The following EPHA6 variants were observed in gnomAD, a reference collection of about 807,000 sequenced individuals.
EPHA6 encodes EPH receptor A6.
Under a neutral mutation model 112.0 loss-of-function variants are expected in EPHA6, and 50 were observed. That is an observed-to-expected ratio of 0.45 (90% CI 0.36 to 0.56). The LOEUF (loss-of-function observed/expected upper bound fraction) is 0.56. Among genes scored for constraint, EPHA6 ranks in the 20% least tolerant of loss-of-function variants. The pLI is 0.00. For synonymous variants in EPHA6, 529 were observed against 490.7 expected (o/e 1.08, Z -1.03); for missense variants, 1,280 against 1,417.4 (o/e 0.90, Z 1.56).
intron 3 of EPHA6, among the ~76,000 whole-genome samples, chr3:97,212,158 A>G (rs2077894450): frequency 6.6e-6 from 1 of 152,190 alleles, no homozygotes; most frequent in South Asian, 2.1e-4. Context: ...TGAAACAAGA[A>G]TAAGAATCTC....
rs535035270 is a variant in EPHA6 at position 97,146,968 on chromosome 3, C to T, written c.1115-79296C>T. ...AAATGCAAATCTTATTTGTCATGCTCTTCCTTGAAATCAGTAGGGAAAATA... is the reference window on the plus strand; with the variant it reads ...AAATGCAAATCTTATTTGTCATGCTTTTCCTTGAAATCAGTAGGGAAAATA... On this transcript the variant is annotated intron_variant, in intron 3 of 17. Transcript: ENST00000389672. Among the ~76,000 whole-genome samples, 91 of 152,118 alleles carry T rather than the reference C, an allele frequency of 6.0e-4. 3 individuals carry two copies. In the South Asian group the frequency reaches 0.016, roughly 26 times the overall value.
intron 3 of EPHA6, among the ~76,000 whole-genome samples, chr3:97,086,251 CAA>C (rs2046896755): frequency 6.6e-6 from 1 of 151,976 alleles, no homozygotes. Context: ...TAACAGCTGT[CAA>C]AGTCTTGAGC....
intron 13 of EPHA6, among the ~76,000 whole-genome samples, chr3:97,624,155 T>C (rs1213593885): frequency 2.0e-5 from 3 of 151,786 alleles, no homozygotes; most frequent in African/African-American, 7.2e-5. Context: ...TCGAGTATGA[T>C]GTTCACTGTG....
At chr3:97,697,007 A>G (rs2033087553) in intron 14 of EPHA6, among the ~76,000 whole-genome samples, 3 of 152,214 alleles carry the variant, frequency 2.0e-5, no homozygotes, top group African/African-American at 4.8e-5. Flanking sequence ...AACAGGTATT[A>G]ATCAGTCAGT....
In EPHA6 at chr3:97,704,163, T is replaced by A. The variant is rs145303172; in HGVS notation, c.2785-16098T>A. Among the ~76,000 whole-genome samples, 5 of 152,326 alleles carry A rather than the reference T, an allele frequency of 3.3e-5. No homozygotes were observed. The East Asian group carries it at 9.6e-4, about 29-fold the overall frequency. On this transcript the variant is annotated intron_variant, in intron 14 of 17. Coordinates refer to ENST00000389672, the MANE Select transcript of EPHA6 (RefSeq NM_001080448.3). Reference sequence around the variant, plus strand: ...GCAAGTCCTTAGAGGATGTGATGATTAATTTTATGTGTAAACTTGACTGGC... The same window carrying A: ...GCAAGTCCTTAGAGGATGTGATGATAAATTTTATGTGTAAACTTGACTGGC...
chr3:97,045,868 A>G (rs1393922776), intron 3 of EPHA6, among the ~76,000 whole-genome samples: 1 of 151,944 alleles, frequency 6.6e-6, no homozygotes, highest in African/African-American at 2.4e-5. Flanking sequence ...ATTCTTTTTT[A>G]TTTATTTCAT....
At chr3:97,594,745 C>A (rs1369097990) in intron 12 of EPHA6, among the ~76,000 whole-genome samples, 1 of 152,130 alleles carries the variant, frequency 6.6e-6, no homozygotes, top group South Asian at 2.1e-4. Context: ...TCTTTGCCAT[C>A]TAATAGCTGA....
At chr3:97,437,945 G>A (rs554584318) in intron 6 of EPHA6, among the ~76,000 whole-genome samples, 26 of 151,654 alleles carry the variant, frequency 1.7e-4, no homozygotes, top group African/African-American at 4.8e-4. Flanking sequence ...TTTTCTATCC[G>A]TATATTGTTA....
At chr3:97,492,295 C>A (rs987182043) in intron 10 of EPHA6, among the ~76,000 whole-genome samples, 7 of 151,738 alleles carry the variant, frequency 4.6e-5, no homozygotes, top group Non-Finnish European at 7.4e-5. Flanking sequence ...GTAATCCCAG[C>A]ACTTTGGGAG....
chr3:97,341,166 G>GA (rs889966488), intron 5 of EPHA6, among the ~76,000 whole-genome samples: 2 of 152,160 alleles, frequency 1.3e-5, no homozygotes, highest in African/African-American at 2.4e-5. Context: ...CAAGGAAGGA[G>GA]AAAATGCTTG....
chr3:97,507,876 G>T (rs2092286975), intron 10 of EPHA6, among the ~76,000 whole-genome samples: 1 of 151,970 alleles, frequency 6.6e-6, no homozygotes, highest in Non-Finnish European at 1.5e-5. Context: ...ACTTCTTCCT[G>T]GTTTAGCCTT....
intron 1 of EPHA6, among the ~76,000 whole-genome samples, chr3:96,825,105 T>A (rs1042291247): frequency 9.2e-5 from 14 of 151,926 alleles, no homozygotes; most frequent in African/African-American, 2.7e-4. Context: ...ATTAGAGAAT[T>A]AAGATGAATG....
At chr3:96,824,700 G>C (rs1217333373) in intron 1 of EPHA6, among the ~76,000 whole-genome samples, 2 of 151,992 alleles carry the variant, frequency 1.3e-5, no homozygotes, top group Non-Finnish European at 2.9e-5. Context: ...GTATTCAGCT[G>C]TACAGTTGGT....
chr3:96,914,545 C>T (rs1035952537), intron 2 of EPHA6, among the ~76,000 whole-genome samples: 4 of 152,082 alleles, frequency 2.6e-5, no homozygotes, highest in South Asian at 2.1e-4. Flanking sequence ...TTAATAGAGA[C>T]GAAGCGTTCC....
Position 96,942,662 on chromosome 3 carries a change from G to A in EPHA6, c.451-44668G>A, listed in dbSNP as rs183954367. ...TGGCACTCCCTAGTGAGATGAACCC[G>A]GTACCTTAGATGGAAATGCAGAAAT... On this transcript the variant is annotated intron_variant, in intron 2 of 17. Coordinates refer to ENST00000389672, the MANE Select transcript of EPHA6 (RefSeq NM_001080448.3). 3.5e-4 allele frequency among the ~76,000 whole-genome samples: 53 copies of A among 152,284 alleles called. No individual in the cohort carries two copies. In the East Asian group the frequency reaches 3.7e-3, roughly 11 times the overall value.
intron 9 of EPHA6, chr3:97,481,265 G>A: frequency 3.4e-6 from 5 of 1,482,774 alleles, no homozygotes; most frequent in Admixed American, 1.7e-5. Context: ...ACCAGGAATT[G>A]AATAAATAAT....
intron 3 of EPHA6, among the ~76,000 whole-genome samples, chr3:96,993,920 G>T (rs1029486337): frequency 1.3e-5 from 2 of 152,122 alleles, no homozygotes; most frequent in African/African-American, 4.8e-5. Context: ...ATTTAAAATA[G>T]AATAAATCTG....
At chr3:97,541,017 G>A (rs1475490965) in intron 11 of EPHA6, among the ~76,000 whole-genome samples, 1 of 152,256 alleles carries the variant, frequency 6.6e-6, no homozygotes, top group East Asian at 1.9e-4. Flanking sequence ...AATCATCACT[G>A]AGAAATCTTC....
chr3:97,422,029 C>A (rs115079870), intron 6 of EPHA6, among the ~76,000 whole-genome samples: 44 of 149,844 alleles, frequency 2.9e-4, no homozygotes, highest in African/African-American at 1.1e-3. Flanking sequence ...AAATAGAGAA[C>A]AATTTCCTTT....
Sources: gnomAD v4.1 joint callset for allele counts (sites outside exome capture counted in the v4.1 genomes callset) on GRCh38, gnomAD v4.1.1 for gene constraint, MANE v1.5 for transcripts, NCBI Gene and HGNC (gene_info 2026-07-23, HGNC 2026-07-21) for gene names.